BDNF: variants seen among roughly 807,000 people sequenced by gnomAD.
BDNF encodes the protein neurotrophic factor BDNF precursor form.
Under a neutral mutation model 19.5 loss-of-function variants are expected in BDNF, and 1 was observed. The observed-to-expected ratio is 0.05, with a 90% CI of 0.02 to 0.24. The LOEUF (loss-of-function observed/expected upper bound fraction) is 0.24. BDNF is among the 10% of genes least tolerant of loss of function. The pLI is 1.00. For missense variants in BDNF, 195 were observed against 317.6 expected (o/e 0.61, Z 2.93); for synonymous variants, 100 against 121.6 (o/e 0.82, Z 1.17).
rs1859578719 is a variant in BDNF at position 27,699,164 on chromosome 11, T to C, written c.-22+1000A>G. Reference sequence around the variant, plus strand: ...GCACCCTCTACCTTCCCTAGCTTCGTTCTCTGGGTCCCCTCCTCCTCCTCG... The same window carrying C: ...GCACCCTCTACCTTCCCTAGCTTCGCTCTCTGGGTCCCCTCCTCCTCCTCG... On this transcript the variant is annotated intron_variant, in intron 1 of 1. Coordinates refer to ENST00000356660, the MANE Select transcript of BDNF (RefSeq NM_001709.5). Among the ~76,000 whole-genome samples, 4 of 147,564 alleles carry C rather than the reference T, an allele frequency of 2.7e-5. No homozygotes were observed. The South Asian group carries it at 9.1e-4, about 34-fold the overall frequency.
At chr11:27,691,805 G>C (rs1403868704) in intron 1 of BDNF, among the ~76,000 whole-genome samples, 1 of 152,098 alleles carries the variant, frequency 6.6e-6, no homozygotes, top group Non-Finnish European at 1.5e-5. Flanking sequence ...TGGGGGAGGA[G>C]TCAATTCCTT....
intron 1 of BDNF, chr11:27,659,638 TGTGTGTGTGTGCGCGCGCGC>T (rs1167250654): frequency 1.0e-6 from 1 of 997,876 alleles, no homozygotes; most frequent in Non-Finnish European, 1.2e-6. Context: ...TCTGTGTGTG[TGTGTGTGTGTGCGCGCGCGC>T]GTGTGCGCGC....
At chr11:27,687,458 A>C (rs1857627511) in intron 1 of BDNF, among the ~76,000 whole-genome samples, 2 of 152,186 alleles carry the variant, frequency 1.3e-5, no homozygotes, top group Non-Finnish European at 2.9e-5. Flanking sequence ...TTGCTGGCAA[A>C]GAGTTGTGCT....
chr11:27,715,396 T>TA (rs1860473889), intron 1 of BDNF, among the ~76,000 whole-genome samples: 1 of 152,196 alleles, frequency 6.6e-6, no homozygotes, highest in Non-Finnish European at 1.5e-5. Flanking sequence ...AAAGGTAATG[T>TA]ACATCTTGGC....
exon 1 of BDNF, chr11:27,721,801 C>G (rs1590515853): frequency 3.8e-6 from 1 of 265,256 alleles, no homozygotes; most frequent in Admixed American, 4.8e-5. Flanking sequence ...TCTAACCGCC[C>G]GTTACTGGGT....
rs1296693317 is a variant in BDNF, at chr11:27,657,256, A to G, written c.*565T>C. On this transcript the variant is annotated 3_prime_UTR_variant, in exon 2 of 2. Coordinates refer to ENST00000356660, the MANE Select transcript of BDNF (RefSeq NM_001709.5). The surrounding 1 kb of genome is among the most constrained non-coding windows in gnomAD (Gnocchi z 5.0). The stretch of plus-strand genomic sequence containing the variant: ...AAACAAAACAAACAAACGAAAAAAA[A>G]ACACAAAACAAACAAAAATATACCC... The G allele has an allele frequency of 6.0e-5, 59 of 987,306 alleles. No individual in the cohort carries two copies. Among genetic ancestry groups the G allele is most frequent in the Non-Finnish European group, 6.7e-5 (56 of 830,950 alleles). 61.2% of individuals were successfully genotyped at this position (987,306 alleles called of 1,614,324 possible). A position where few individuals can be genotyped will look rare whatever the true frequency, so the allele number is the denominator to read the frequency against.
intron 1 of BDNF, among the ~76,000 whole-genome samples, chr11:27,661,557 C>T (rs549338327): frequency 6.6e-6 from 1 of 152,304 alleles, no homozygotes; most frequent in East Asian, 1.9e-4. Context: ...CTGTATCAGA[C>T]ACTCTTTCTG....
chr11:27,672,795 G>A (rs1301432208), intron 1 of BDNF, among the ~76,000 whole-genome samples: 1 of 151,822 alleles, frequency 6.6e-6, no homozygotes, highest in African/African-American at 2.4e-5. Flanking sequence ...AGGAAAAAAG[G>A]TTAGATTTCC....
chr11:27,666,357 C>T (rs1207096750), intron 1 of BDNF, among the ~76,000 whole-genome samples: 1 of 152,172 alleles, frequency 6.6e-6, no homozygotes, highest in African/African-American at 2.4e-5. Flanking sequence ...AAAATCAGAG[C>T]ACGTCTTCTC....
chr11:27,700,518 C>CGGGGGGGGGGGGG, upstream of BDNF: 2 of 771,296 alleles, frequency 2.6e-6, no homozygotes, highest in Non-Finnish European at 2.9e-6. Flanking sequence ...TCAAACGGCG[C>CGGGGGGGGGGGGG]CGCCCCCCCC....
At position 27,657,054 on chromosome 11, in the gene BDNF, G is replaced by A. The variant is rs1852660095; in HGVS notation, c.*767C>T. 7.1e-6 allele frequency: 7 copies of A among 985,478 alleles called. No homozygotes were observed. The highest frequency in any genetic ancestry group is 1.2e-4 in the Admixed American group (2 of 16,270). 61.0% of individuals were successfully genotyped at this position (985,478 alleles called of 1,614,324 possible). ...AAAGAATGAGCGGGGCCTGGGAGGT[G>A]CATCACGGGATGTGGAGTGTGAGCA... On this transcript the variant is annotated 3_prime_UTR_variant, in exon 2 of 2. Coordinates refer to ENST00000356660, the MANE Select transcript of BDNF (RefSeq NM_001709.5). This position sits in a 1 kb window ranked among gnomAD's most constrained non-coding sequence, Gnocchi z 5.0.
intron 1 of BDNF, among the ~76,000 whole-genome samples, chr11:27,678,807 A>T (rs1856508837): frequency 6.6e-6 from 1 of 151,988 alleles, no homozygotes; most frequent in Non-Finnish European, 1.5e-5. Flanking sequence ...GGGGTTAAAA[A>T]AAACACTCAA....
intron 1 of BDNF, among the ~76,000 whole-genome samples, chr11:27,671,803 T>G (rs1423001188): frequency 6.6e-6 from 1 of 152,080 alleles, no homozygotes; most frequent in Non-Finnish European, 1.5e-5. Flanking sequence ...CCACCCTCAT[T>G]CCACCTACCC....
At chr11:27,709,841 C>G (rs1427372357) in intron 1 of BDNF, among the ~76,000 whole-genome samples, 1 of 152,180 alleles carries the variant, frequency 6.6e-6, no homozygotes, top group Non-Finnish European at 1.5e-5. Flanking sequence ...CACATTCAGA[C>G]CTTATCTCAG....
At chr11:27,660,370 G>A in intron 1 of BDNF, 3 of 428,408 alleles carry the variant, frequency 7.0e-6, no homozygotes, top group South Asian at 6.7e-5. Context: ...TCTCAGATTA[G>A]GAAGGGAAAA....
intron 1 of BDNF, among the ~76,000 whole-genome samples, chr11:27,706,465 CTTA>C (rs995709604): frequency 6.6e-5 from 10 of 152,142 alleles, no homozygotes; most frequent in Non-Finnish European, 1.2e-4. Flanking sequence ...CAATTTATAT[CTTA>C]TTTCATTTCA....
At position 27,700,235 on chromosome 11, in the gene BDNF, G is replaced by A. The variant is rs1419944261; in HGVS notation, c.-93C>T. The A allele has an allele frequency of 9.1e-6, 9 of 985,420 alleles. No individual in the cohort carries two copies. The highest frequency in any genetic ancestry group is 9.6e-6 in the Non-Finnish European group (8 of 830,146). The allele number at this position is 985,420 out of a possible 1,614,324, so 61.0% of individuals were successfully genotyped here. A position where few individuals can be genotyped will look rare whatever the true frequency, so the allele number is the denominator to read the frequency against. ...TCGTGGTTCCGATTCTGGCTCCAGC[G>A]CCCAGCCCCGGTCCCCGTCGCGGTG... On this transcript the variant is annotated 5_prime_UTR_variant, in exon 1 of 2. Transcript: ENST00000356660.
At chr11:27,710,133 T>C (rs1403791272) in intron 1 of BDNF, among the ~76,000 whole-genome samples, 1 of 152,210 alleles carries the variant, frequency 6.6e-6, no homozygotes, top group Admixed American at 6.5e-5. Flanking sequence ...AAATCCATTA[T>C]GTGTTCATGG....
chr11:27,671,409 T>G (rs1855361755), intron 1 of BDNF, among the ~76,000 whole-genome samples: 1 of 151,946 alleles, frequency 6.6e-6, no homozygotes, highest in Non-Finnish European at 1.5e-5. Context: ...GGATGATGAC[T>G]CTGGAAATGG....
Sources: gnomAD v4.1 joint callset for allele counts (sites outside exome capture counted in the v4.1 genomes callset) on GRCh38, gnomAD v4.1.1 for gene constraint, Gnocchi (gnomAD v3.1) non-coding constraint, MANE v1.5 for transcripts, NCBI Gene and HGNC (gene_info 2026-07-23, HGNC 2026-07-21) for gene names.